Variants in GAL3ST1 observed in about 807,000 individuals in gnomAD.
The protein encoded by GAL3ST1 is galactose-3-O-sulfotransferase 1.
A neutral mutation model predicts 25.0 loss-of-function variants in GAL3ST1; 13 were observed. The observed-to-expected ratio is 0.52, with a 90% CI of 0.34 to 0.83. The LOEUF is 0.83. Ranked by LOEUF, GAL3ST1 falls within the 40% of genes least tolerant of loss-of-function variation. GAL3ST1 has a pLI of 0.02. For synonymous variants in GAL3ST1, 274 were observed against 277.8 expected (o/e 0.99, Z 0.14); for missense variants, 474 against 613.6 (o/e 0.77, Z 2.40).
At chr22:30,557,510 C>T in intron 2 of GAL3ST1, 109 bp from the exon 3 acceptor site, 1 of 1,233,072 alleles carries the variant, frequency 8.1e-7, no homozygotes, top group Non-Finnish European at 1.1e-6. Flanking sequence ...CTCTGTGGCC[C>T]CCCAGCAGGG....
At chr22:30,557,758 G>T (rs2146348385) in intron 2 of GAL3ST1, 1 of 171,482 alleles carries the variant, frequency 5.8e-6, no homozygotes, top group African/African-American at 2.4e-5. Flanking sequence ...AGAAACAGAA[G>T]AAAAAATGAG....
chr22:30,568,896 T>G (rs5753210), intron 1 of GAL3ST1, among the ~76,000 whole-genome samples: 1 of 151,720 alleles, frequency 6.6e-6, no homozygotes, highest in Non-Finnish European at 1.5e-5. Context: ...GCCAACATGG[T>G]GAAACCCCGT....
In GAL3ST1 at chr22:30,556,719, G is replaced by C. The variant is rs145676820; in HGVS notation, c.131+543C>G. ...CTCATGCTCTATGAGGAAGGCTCTG[G>C]GTTTTTTTTGTTTGTTTGTTTTTCT... On this transcript the variant is annotated intron_variant, in intron 3 of 3. Transcript: ENST00000406361. Among the ~76,000 whole-genome samples the C allele has an allele frequency of 3.8e-4, 58 of 152,084 alleles. 1 individual carries two copies. In the East Asian group the frequency reaches 0.011, roughly 29 times the overall value.
At chr22:30,557,179 C>T in intron 3 of GAL3ST1, 83 bp downstream of exon 3, 2 of 1,428,670 alleles carry the variant, frequency 1.4e-6, no homozygotes, top group Non-Finnish European at 9.8e-7. Context: ...TGGGGCAGGC[C>T]CTGTGGTAAT....
intron 1 of GAL3ST1, among the ~76,000 whole-genome samples, chr22:30,568,463 G>T (rs749449042): frequency 6.6e-6 from 1 of 152,222 alleles, no homozygotes; most frequent in Non-Finnish European, 1.5e-5. Flanking sequence ...TGGTCTCCAA[G>T]GATCTGGGCA....
At chr22:30,564,237 C>A (rs1411125695) in intron 1 of GAL3ST1, among the ~76,000 whole-genome samples, 1 of 152,214 alleles carries the variant, frequency 6.6e-6, no homozygotes, top group Non-Finnish European at 1.5e-5. Context: ...TTGTTATCAT[C>A]ATTATCATCA....
rs1156635748 is a variant in GAL3ST1, at chr22:30,555,918, G to A, written c.307C>T (p.Arg103Trp). The A allele has an allele frequency of 6.2e-7, 1 of 1,614,180 alleles. No individual in the cohort carries two copies. Among genetic ancestry groups the A allele is most frequent in the Non-Finnish European group, 8.5e-7 (1 of 1,180,016 alleles). ...NILFRFGQKHRLKFAFPNGRN... is the reference protein window; with the variant it reads ...NILFRFGQKHWLKFAFPNGRN... Reference sequence around the variant, plus strand: ...CCGTTAGGGAAGGCGAACTTGAGCCGGTGCTTCTGGCCGAAGCGGAACAGG... The same window carrying A: ...CCGTTAGGGAAGGCGAACTTGAGCCAGTGCTTCTGGCCGAAGCGGAACAGG... The change falls in exon 4 of 4, where the codon CGG becomes TGG. Residue 103 changes from arginine (R) to tryptophan (W), a missense_variant. Physicochemically the swap from Arg to Trp is moderately radical, Grantham distance 101. Around this residue, in one of 2 missense-constraint regions of GAL3ST1, gnomAD observed 359 missense variants for 504.4 expected, o/e 0.71. Coordinates refer to ENST00000406361, the MANE Select transcript of GAL3ST1 (RefSeq NM_001318104.2). The surrounding 1 kb of genome is among the most constrained non-coding windows in gnomAD (Gnocchi z 8.6).
intron 3 of GAL3ST1, among the ~76,000 whole-genome samples, 173 bp from the exon 4 acceptor site, chr22:30,556,266 G>C (rs1026955889): frequency 6.6e-6 from 1 of 152,144 alleles, no homozygotes; most frequent in Non-Finnish European, 1.5e-5. Flanking sequence ...GGCCTCTCTA[G>C]CCTCATGTTC....
chr22:30,555,430 C>G lies in GAL3ST1; in HGVS notation c.795G>C (p.Leu265=). The G allele has an allele frequency of 6.2e-7, 1 of 1,611,882 alleles. No homozygotes were observed. The highest frequency in any genetic ancestry group is 8.5e-7 in the Non-Finnish European group (1 of 1,179,934). ...GCACGTCCTCCAGCTCCCAGCACAGCAGGTCCTTCAGCAGCACCAGCGACT... is the reference window on the plus strand; with the variant it reads ...GCACGTCCTCCAGCTCCCAGCACAGGAGGTCCTTCAGCAGCACCAGCGACT... The part of the protein sequence containing the change: ...FDESLVLLKD[L]LCWELEDVLY... The change falls in exon 4 of 4, where the codon CTG becomes CTC. Residue 265 remains leucine, a synonymous_variant. Coordinates refer to ENST00000406361, the MANE Select transcript of GAL3ST1 (RefSeq NM_001318104.2). This position sits in a 1 kb window ranked among gnomAD's most constrained non-coding sequence, Gnocchi z 8.6.
rs150519649 is a variant in GAL3ST1 at position 30,555,206 on chromosome 22, C to T, written c.1019G>A (p.Arg340His). ...EVAALRHANE[R>H]MRTICIDGGH... ...CCCGTCGATGCAGATGGTCCGCATGCGCTCGTTGGCATGGCGCAGGGCGGC... is the reference window on the plus strand; with the variant it reads ...CCCGTCGATGCAGATGGTCCGCATGTGCTCGTTGGCATGGCGCAGGGCGGC... Residue 340 changes from arginine to histidine, a missense_variant, in exon 4 of 4, where the codon CGC (arginine) becomes CAC (histidine). Coordinates refer to ENST00000406361, the MANE Select transcript of GAL3ST1 (RefSeq NM_001318104.2). The surrounding 1 kb of genome is among the most constrained non-coding windows in gnomAD (Gnocchi z 8.6). 1.9e-6 allele frequency: 3 copies of T among 1,599,386 alleles called. No individual in the cohort carries two copies. The highest frequency in any genetic ancestry group is 1.7e-5 in the Admixed American group (1 of 59,702).
Position 30,554,875 on chromosome 22 carries a change from G to A in GAL3ST1, c.*78C>T. On this transcript the variant is annotated 3_prime_UTR_variant, in exon 4 of 4. Coordinates refer to ENST00000406361, the MANE Select transcript of GAL3ST1 (RefSeq NM_001318104.2). ...AGGTGGCACCAGGAGGGGGCTGGGG[G>A]CGGCCAGCACCAGCGGCGTCCTGCT... 1.7e-6 allele frequency: 2 copies of A among 1,198,278 alleles called. No homozygotes were observed. Among genetic ancestry groups the A allele is most frequent in the Non-Finnish European group, 1.1e-6 (1 of 878,202 alleles). The allele number at this position is 1,198,278 out of a possible 1,614,324, so 74.2% of individuals were successfully genotyped here. A position where few individuals can be genotyped will look rare whatever the true frequency, so the allele number is the denominator to read the frequency against.
intron 1 of GAL3ST1, chr22:30,573,000 A>G (rs991880766): frequency 6.6e-6 from 1 of 152,134 alleles, no homozygotes; most frequent in Non-Finnish European, 1.5e-5. Flanking sequence ...CCATTAAGGG[A>G]AGGGGATGCA....
Position 30,556,100 on chromosome 22 carries a change from G to A in GAL3ST1, c.132-7C>T. ...CGCTGCGGCCTCCGGGGTCCTGCTGGGGACAGAGAGGTGGGGAGAGCCTCA... is the reference window on the plus strand; with the variant it reads ...CGCTGCGGCCTCCGGGGTCCTGCTGAGGACAGAGAGGTGGGGAGAGCCTCA... On this transcript the variant is annotated splice_region_variant and splice_polypyrimidine_tract_variant and intron_variant, in intron 3 of 3. Coordinates refer to ENST00000406361, the MANE Select transcript of GAL3ST1 (RefSeq NM_001318104.2). The A allele has an allele frequency of 6.3e-7, 1 of 1,595,160 alleles. No homozygotes were observed. Among genetic ancestry groups the A allele is most frequent in the South Asian group, 1.1e-5 (1 of 90,466 alleles).
intron 3 of GAL3ST1, among the ~76,000 whole-genome samples, chr22:30,556,627 C>A (rs907409981): frequency 3.9e-5 from 6 of 152,338 alleles, no homozygotes; most frequent in Non-Finnish European, 7.3e-5. Context: ...AGGTCGCCCC[C>A]ACCAGGGCCC....
At position 30,567,825 on chromosome 22, in the gene GAL3ST1, G is replaced by A. The variant is rs553990744; in HGVS notation, c.-120+6641C>T. On this transcript the variant is annotated intron_variant, in intron 1 of 3. Coordinates refer to ENST00000406361, the MANE Select transcript of GAL3ST1 (RefSeq NM_001318104.2). ...CACCCTTCCAAGTAGCTGGGATTACGGGCACCCGCCACCACACCCAGCTAA... is the reference window on the plus strand; with the variant it reads ...CACCCTTCCAAGTAGCTGGGATTACAGGCACCCGCCACCACACCCAGCTAA... Among the ~76,000 whole-genome samples, 192 of 151,988 alleles carry A rather than the reference G, an allele frequency of 1.3e-3. 1 individual carries two copies. Among genetic ancestry groups the A allele is most frequent in the African/African-American group, 4.1e-3 (168 of 41,450 alleles).
At chr22:30,563,106 A>G (rs2086498549) in intron 1 of GAL3ST1, 1 of 152,002 alleles carries the variant, frequency 6.6e-6, no homozygotes, top group African/African-American at 2.4e-5. Context: ...ACAGAGAGAG[A>G]CTCTTTCTCA....
intron 3 of GAL3ST1, 140 bp downstream of exon 3, chr22:30,557,122 G>A: frequency 1.3e-6 from 1 of 790,342 alleles, no homozygotes; most frequent in Non-Finnish European, 2.0e-6. Context: ...TGGAATTTCT[G>A]TCTGGCACAG....
At chr22:30,566,340 G>T (rs971405453) in intron 1 of GAL3ST1, among the ~76,000 whole-genome samples, 1 of 152,202 alleles carries the variant, frequency 6.6e-6, no homozygotes, top group African/African-American at 2.4e-5. Flanking sequence ...AACCCAACAC[G>T]GTCCACTTCT....
chr22:30,570,577 A>G (rs2086750637), intron 1 of GAL3ST1, among the ~76,000 whole-genome samples: 1 of 152,172 alleles, frequency 6.6e-6, no homozygotes, highest in Admixed American at 6.5e-5. Flanking sequence ...CGGGTGGATC[A>G]CCTGAGGTCG....
Sources: allele counts gnomAD v4.1 joint callset (sites outside exome capture counted in the v4.1 genomes callset), GRCh38; gene constraint gnomAD v4.1.1; regional missense constraint gnomAD v4.1.1; non-coding constraint Gnocchi (gnomAD v3.1); transcripts MANE v1.5; gene names NCBI Gene and HGNC (gene_info 2026-07-23, HGNC 2026-07-21).